Variants in FREM2 observed in about 807,000 individuals in gnomAD.
FREM2 encodes FRAS1 related extracellular matrix 2.
A neutral mutation model predicts 219.9 loss-of-function variants in FREM2; 119 were observed. The ratio of observed to expected loss-of-function variants is 0.54; its 90% CI spans 0.47 to 0.63. The LOEUF (loss-of-function observed/expected upper bound fraction) is 0.63, where lower values mean the gene tolerates loss of function less well. Among genes scored for constraint, FREM2 ranks in the 30% least tolerant of loss-of-function variants. The pLI, the probability that FREM2 is intolerant of heterozygous loss-of-function variation, is 0.00. For synonymous variants in FREM2, 1,562 were observed against 1,522.8 expected (o/e 1.03, Z -0.60); for missense variants, 4,030 against 3,993.6 (o/e 1.01, Z -0.25).
At chr13:38,693,323 A>G (rs1213149281) in intron 1 of FREM2, among the ~76,000 whole-genome samples, 1 of 152,254 alleles carries the variant, frequency 6.6e-6, no homozygotes. Flanking sequence ...TTATTTCATC[A>G]TTGTGAACCT....
At chr13:38,776,680 C>T (rs1466774997) in intron 4 of FREM2, among the ~76,000 whole-genome samples, 3 of 151,510 alleles carry the variant, frequency 2.0e-5, no homozygotes, top group South Asian at 4.2e-4. Context: ...TTGTCAAAAA[C>T]GAATACAAGA....
At chr13:38,850,788 C>T (rs1007657882) in intron 9 of FREM2, among the ~76,000 whole-genome samples, 156 bp from the exon 10 acceptor site, 2 of 152,198 alleles carry the variant, frequency 1.3e-5, no homozygotes, top group African/African-American at 2.4e-5. Flanking sequence ...TTCACTTATT[C>T]AGCAAATATC....
chr13:38,736,751 T>G (rs984694049), intron 2 of FREM2, among the ~76,000 whole-genome samples: 1 of 152,146 alleles, frequency 6.6e-6, no homozygotes, highest in African/African-American at 2.4e-5. Flanking sequence ...GTAAAGAAAT[T>G]TATATTGATG....
At chr13:38,777,035 A>G (rs1291336604) in intron 4 of FREM2, among the ~76,000 whole-genome samples, 1 of 151,768 alleles carries the variant, frequency 6.6e-6, no homozygotes, top group African/African-American at 2.4e-5. Flanking sequence ...TATGATATAC[A>G]TATATTATAT....
At position 38,689,329 on chromosome 13, in the gene FREM2, G is replaced by A. The variant is rs549157910; in HGVS notation, c.1985G>A (p.Ser662Asn). ...RLFYRHSGPH[S>N]PGPVTDQFTF... ...TTCTATAGACACTCTGGGCCCCATAGTCCTGGGCCAGTCACAGACCAGTTC... is the reference window on the plus strand; with the variant it reads ...TTCTATAGACACTCTGGGCCCCATAATCCTGGGCCAGTCACAGACCAGTTC... The change falls in exon 1 of 24, where the codon AGT becomes AAT. Residue 662 changes from serine to asparagine, a missense_variant. By Grantham distance (46) the Ser-to-Asn change is conservative. Coordinates refer to ENST00000280481, the MANE Select transcript of FREM2 (RefSeq NM_207361.6). 1.9e-5 allele frequency: 30 copies of A among 1,614,006 alleles called. No individual in the cohort carries two copies. The South Asian group carries it at 3.3e-4, about 18-fold the overall frequency.
chr13:38,855,211 T>C (rs1380575600), intron 11 of FREM2, among the ~76,000 whole-genome samples: 1 of 152,026 alleles, frequency 6.6e-6, no homozygotes, highest in Non-Finnish European at 1.5e-5. Context: ...AAGGACAGGG[T>C]GAAGGGAAAA....
intron 2 of FREM2, 130 bp downstream of exon 2, chr13:38,697,917 G>T: frequency 2.8e-6 from 2 of 708,926 alleles, no homozygotes; most frequent in Non-Finnish European, 2.6e-6. Flanking sequence ...CCTGGTATTT[G>T]CTGTAGACAA....
In FREM2 at chr13:38,880,381, A is replaced by G. The variant is rs1447381737; in HGVS notation, c.9104A>G (p.His3035Arg). ...ATTGGCAAAAGAAGTGTGGAGTACCATTCTCTGGTGAGTCAAGGAAAGCCC... is the reference window on the plus strand; with the variant it reads ...ATTGGCAAAAGAAGTGTGGAGTACCGTTCTCTGGTGAGTCAAGGAAAGCCC... Reference protein sequence around the residue: ...RGIGKRSVEYHSLVSQGKPQS... With the variant: ...RGIGKRSVEYRSLVSQGKPQS... Residue 3035 changes from histidine to arginine, a missense_variant, in exon 24 of 24, where the codon CAT becomes CGT. Transcript: ENST00000280481. 1 of 1,614,030 alleles carries G rather than the reference A, an allele frequency of 6.2e-7. No individual in the cohort carries two copies. Among genetic ancestry groups the G allele is most frequent in the Non-Finnish European group, 8.5e-7 (1 of 1,180,026 alleles).
At chr13:38,762,843 G>A (rs1316739010) in intron 2 of FREM2, among the ~76,000 whole-genome samples, 4 of 152,008 alleles carry the variant, frequency 2.6e-5, no homozygotes, top group South Asian at 4.2e-4. Flanking sequence ...CTCATTTTAC[G>A]AAGCTACATT....
chr13:38,747,393 A>AT (rs1491337077), intron 2 of FREM2, among the ~76,000 whole-genome samples: 1 of 56,842 alleles, frequency 1.8e-5, no homozygotes, highest in East Asian at 6.1e-4. Context: ...AGCTGATATA[A>AT]TATGTGTGTG....
intron 2 of FREM2, among the ~76,000 whole-genome samples, chr13:38,741,046 AT>A (rs1872221463): frequency 6.6e-6 from 1 of 152,198 alleles, no homozygotes; most frequent in Non-Finnish European, 1.5e-5. Flanking sequence ...ATACTCATTG[AT>A]TTTAAATCCT....
At position 38,692,244 on chromosome 13, in the gene FREM2, A is replaced by G. The variant is rs769534613; in HGVS notation, c.4900A>G (p.Thr1634Ala). Residue 1634 changes from threonine to alanine, a missense_variant, in exon 1 of 24, where the codon ACG (threonine) becomes GCG (alanine). Around this residue, in one of 2 missense-constraint regions of FREM2, gnomAD observed 3,102 missense variants for 2,950.7 expected, o/e 1.05. Coordinates refer to ENST00000280481, the MANE Select transcript of FREM2 (RefSeq NM_207361.6). ...THTDFYVFPD[T>A]VFETRRPQVM... ...TACAGACTTCTATGTTTTTCCTGAT[A>G]CGGTGTTTGAAACAAGGAGACCCCA... The G allele has an allele frequency of 6.8e-6, 11 of 1,614,158 alleles. No individual in the cohort carries two copies. Among genetic ancestry groups the G allele is most frequent in the Non-Finnish European group, 6.8e-6 (8 of 1,180,022 alleles).
At chr13:38,793,691 A>G (rs1874655144) in intron 6 of FREM2, among the ~76,000 whole-genome samples, 1 of 152,212 alleles carries the variant, frequency 6.6e-6, no homozygotes, top group South Asian at 2.1e-4. Context: ...ATGCAAAGAA[A>G]AGATTGAAGA....
At chr13:38,812,322 A>G (rs1298153122) in intron 6 of FREM2, among the ~76,000 whole-genome samples, 10 of 151,386 alleles carry the variant, frequency 6.6e-5, no homozygotes. Flanking sequence ...GTAGGGACTT[A>G]CTCCTGCCAT....
At chr13:38,754,892 G>GATTATTATTATTATTATTATTATT (rs1380525716) in intron 2 of FREM2, among the ~76,000 whole-genome samples, 1 of 76,680 alleles carries the variant, frequency 1.3e-5, no homozygotes, top group South Asian at 4.0e-4. Flanking sequence ...TGATGATGAT[G>GATTATTATTATTATTATTATTATT]ATGATGATGA....
At chr13:38,700,491 A>G (rs757874053) in intron 2 of FREM2, among the ~76,000 whole-genome samples, 4 of 152,108 alleles carry the variant, frequency 2.6e-5, no homozygotes, top group Non-Finnish European at 5.9e-5. Flanking sequence ...ATGTCCACAC[A>G]CATACACAGA....
chr13:38,878,285 C>T lies in FREM2; in HGVS notation c.8823C>T (p.Ala2941=), dbSNP rs1221414972. Residue 2941 remains alanine, a synonymous_variant, in exon 22 of 24, where the codon GCC becomes GCT. Coordinates refer to ENST00000280481, the MANE Select transcript of FREM2 (RefSeq NM_207361.6). The part of the protein sequence containing the change: ...SPMNAEYGCL[A]DSPSLLYRFK... ...TGAATGCAGAATATGGCTGCTTAGC[C>T]GACTCTCCTTCACTCTTATATAGAT... 25 of 1,613,288 alleles carry T rather than the reference C, an allele frequency of 1.5e-5. No homozygotes were observed. Among genetic ancestry groups the T allele is most frequent in the Admixed American group, 3.3e-5 (2 of 59,906 alleles).
chr13:38,786,595 C>G, intron 6 of FREM2, among the ~76,000 whole-genome samples: 1 of 152,116 alleles, frequency 6.6e-6, no homozygotes, highest in East Asian at 1.9e-4. Context: ...TTTAGATAAT[C>G]TATCAATTGT....
rs998432923 is a variant in FREM2, at chr13:38,745,676, T to TTTG, written c.5264-18616_5264-18614dup. The stretch of plus-strand genomic sequence containing the variant: ...GAAAACAGTTGGCTTTTATTGTTTG[T>TTTG]TTGTTGTTGTTGTTTGTCTCCAGCA... On this transcript the variant is annotated intron_variant, in intron 2 of 23. Transcript: ENST00000280481. Among the ~76,000 whole-genome samples the TTTG allele has an allele frequency of 5.3e-5, 8 of 152,234 alleles. No individual in the cohort carries two copies. The South Asian group carries it at 6.2e-4, about 12-fold the overall frequency.
Sources: gnomAD v4.1 joint callset for allele counts (sites outside exome capture counted in the v4.1 genomes callset) on GRCh38, gnomAD v4.1.1 for gene constraint, gnomAD v4.1.1 regional missense constraint, MANE v1.5 for transcripts, NCBI Gene and HGNC (gene_info 2026-07-23, HGNC 2026-07-21) for gene names.